Variants in TBC1D23 observed in about 807,000 individuals in gnomAD.
TBC1D23 encodes HCV non-structural protein 4A-transactivated protein 1.
Under a neutral mutation model 91.4 loss-of-function variants are expected in TBC1D23, and 55 were observed. The ratio of observed to expected loss-of-function variants is 0.60; its 90% CI spans 0.48 to 0.75. TBC1D23 has a LOEUF of 0.75. Ranked by LOEUF, TBC1D23 falls within the 30% of genes least tolerant of loss-of-function variation. TBC1D23 has a pLI of 0.00. For synonymous variants in TBC1D23, 289 were observed against 281.0 expected, an observed-to-expected ratio of 1.03 and a Z score of -0.28; for missense variants, 725 against 836.1, an observed-to-expected ratio of 0.87 and a Z score of 1.64.
intron 1 of TBC1D23, among the ~76,000 whole-genome samples, chr3:100,261,761 T>C (rs1559796933): frequency 6.6e-6 from 1 of 152,176 alleles, no homozygotes; most frequent in African/African-American, 2.4e-5. Context: ...AGACCGCCAA[T>C]AATTTTTTGG....
chr3:100,292,646 C>G (rs2067801661), intron 5 of TBC1D23, among the ~76,000 whole-genome samples: 1 of 152,166 alleles, frequency 6.6e-6, no homozygotes, highest in Admixed American at 6.5e-5. Flanking sequence ...GTCTCTCAGG[C>G]TGCAGTGCAG....
intron 12 of TBC1D23, among the ~76,000 whole-genome samples, chr3:100,305,236 C>G (rs1202701515): frequency 5.9e-5 from 9 of 151,882 alleles, no homozygotes; most frequent in African/African-American, 7.3e-5. Context: ...TATAGTATAC[C>G]CTTTGGACTC....
At chr3:100,266,740 CTG>C (rs2067561237) in intron 1 of TBC1D23, among the ~76,000 whole-genome samples, 1 of 152,202 alleles carries the variant, frequency 6.6e-6, no homozygotes, top group Admixed American at 6.5e-5. Flanking sequence ...TGCATTCCCT[CTG>C]TAAGTATAGT....
intron 17 of TBC1D23, among the ~76,000 whole-genome samples, chr3:100,320,475 A>G (rs946526017): frequency 6.6e-6 from 1 of 151,660 alleles, no homozygotes; most frequent in Non-Finnish European, 1.5e-5. Flanking sequence ...AACGTAATAT[A>G]CTCCATTTCA....
intron 1 of TBC1D23, among the ~76,000 whole-genome samples, chr3:100,270,126 A>G (rs2067588927): frequency 6.6e-6 from 1 of 152,224 alleles, no homozygotes; most frequent in African/African-American, 2.4e-5. Flanking sequence ...TGGAATAGCC[A>G]TCTGGCATGT....
chr3:100,278,810 T>C (rs565050504), intron 1 of TBC1D23, among the ~76,000 whole-genome samples: 2 of 152,382 alleles, frequency 1.3e-5, no homozygotes, highest in East Asian at 3.9e-4. Flanking sequence ...TTAAACATCG[T>C]AGACTGAACA....
chr3:100,302,016 A>G lies in TBC1D23; in HGVS notation c.1093-51A>G, dbSNP rs377430291. The G allele has an allele frequency of 2.1e-6, 3 of 1,448,120 alleles. No individual in the cohort carries two copies. The Admixed American group carries it at 7.0e-5, about 34-fold the overall frequency. The allele number at this position is 1,448,120 out of a possible 1,614,324, so 89.7% of individuals were successfully genotyped here. The stretch of plus-strand genomic sequence containing the variant: ...TAAAAAAAATTTCAAATTTACAAAT[A>G]TATGTGAAACACAGGCTTGTCAAGT... On this transcript the variant is annotated intron_variant, in intron 10 of 18. Transcript: ENST00000394144.
At chr3:100,293,220 G>A (rs1029152530) in intron 5 of TBC1D23, among the ~76,000 whole-genome samples, 20 of 151,938 alleles carry the variant, frequency 1.3e-4, no homozygotes, top group Admixed American at 3.3e-4. Flanking sequence ...TGCAAGCTCC[G>A]CCTCCTGGGT....
intron 11 of TBC1D23, among the ~76,000 whole-genome samples, chr3:100,304,373 CT>C (rs995833037): frequency 9.9e-5 from 15 of 150,854 alleles, no homozygotes; most frequent in African/African-American, 2.9e-4. Context: ...TTGTGTTTCT[CT>C]TTTTTTTTAT....
chr3:100,275,149 T>A (rs1350167329), intron 1 of TBC1D23, among the ~76,000 whole-genome samples: 1 of 152,214 alleles, frequency 6.6e-6, no homozygotes, highest in African/African-American at 2.4e-5. Flanking sequence ...CCACTAACTG[T>A]ACACAAGGGT....
At chr3:100,308,450 C>T (rs567379202) in intron 13 of TBC1D23, among the ~76,000 whole-genome samples, 1 of 150,994 alleles carries the variant, frequency 6.6e-6, no homozygotes, top group East Asian at 2.0e-4. Flanking sequence ...ACTCCAGTCT[C>T]TGGGCGACAG....
At chr3:100,294,445 G>C (rs1172981665) in intron 5 of TBC1D23, among the ~76,000 whole-genome samples, 1 of 151,886 alleles carries the variant, frequency 6.6e-6, no homozygotes, top group Non-Finnish European at 1.5e-5. Context: ...ATTTTTAGTA[G>C]AGACGGGGTT....
At chr3:100,297,283 G>C (rs762353012) in intron 8 of TBC1D23, among the ~76,000 whole-genome samples, 4 of 152,092 alleles carry the variant, frequency 2.6e-5, no homozygotes, top group Non-Finnish European at 4.4e-5. Context: ...GTTTTAGAAA[G>C]CAGGTAAAGG....
intron 16 of TBC1D23, among the ~76,000 whole-genome samples, chr3:100,317,888 A>C (rs1296943902): frequency 1.3e-5 from 2 of 152,312 alleles, no homozygotes; most frequent in East Asian, 3.9e-4. Flanking sequence ...TGTTGGGAGT[A>C]GGGTAGCAGT....
At chr3:100,271,584 T>G (rs2067599870) in intron 1 of TBC1D23, among the ~76,000 whole-genome samples, 1 of 152,152 alleles carries the variant, frequency 6.6e-6, no homozygotes, top group African/African-American at 2.4e-5. Flanking sequence ...ATGACTGGAA[T>G]AATAAGTTGC....
In TBC1D23 at chr3:100,297,948, C is replaced by T; in HGVS notation, c.902C>T (p.Thr301Ile). 6.2e-7 allele frequency: 1 copy of T among 1,610,952 alleles called. No individual in the cohort carries two copies. Among genetic ancestry groups the T allele is most frequent in the East Asian group, 2.2e-5 (1 of 44,762 alleles). The change falls in exon 9 of 19, where the codon ACT becomes ATT. Residue 301 changes from threonine to isoleucine, a missense_variant. Physicochemically the swap from Thr to Ile is moderately conservative, Grantham distance 89. Transcript: ENST00000394144. Reference protein sequence around the residue: ...RKDNHHLFGSTLLGIKDDDAD... With the variant: ...RKDNHHLFGSILLGIKDDDAD... ...GATAATCACCATCTCTTTGGTAGTA[C>T]TTTGTTGGGAATTAAGGATGATGAT...
intron 18 of TBC1D23, 30 bp from the exon 19 acceptor site, chr3:100,323,547 ATATATATATG>A (rs776721808): frequency 2.8e-5 from 27 of 975,172 alleles, no homozygotes; most frequent in Admixed American, 3.8e-5. Context: ...ATACATATGT[ATATATATATG>A]TATATATATG....
At chr3:100,315,733 A>G (rs1394799815) in intron 15 of TBC1D23, 1 of 222,238 alleles carries the variant, frequency 4.5e-6, no homozygotes, top group East Asian at 9.5e-5. Context: ...CCTGACAGGT[A>G]GATATTGTTA....
chr3:100,297,224 C>T (rs946468632), intron 8 of TBC1D23, among the ~76,000 whole-genome samples: 9 of 152,084 alleles, frequency 5.9e-5, no homozygotes, highest in Admixed American at 4.6e-4. Flanking sequence ...TGGTACTCAT[C>T]GTGTCACTGA....
Sources: gnomAD v4.1 joint callset for allele counts (sites outside exome capture counted in the v4.1 genomes callset) on GRCh38, gnomAD v4.1.1 for gene constraint, MANE v1.5 for transcripts, NCBI Gene and HGNC (gene_info 2026-07-23, HGNC 2026-07-21) for gene names.